Variants in KIAA1217 observed in about 807,000 individuals in gnomAD.
KIAA1217 encodes the protein sickle tail protein homolog.
Under a neutral mutation model 163.9 loss-of-function variants are expected in KIAA1217, and 88 were observed. That is an observed-to-expected ratio of 0.54 (90% CI 0.45 to 0.64). KIAA1217 has a LOEUF of 0.64. KIAA1217 is among the 30% of genes least tolerant of loss of function. The pLI is 0.00. For synonymous variants in KIAA1217, 903 were observed against 923.1 expected, an observed-to-expected ratio of 0.98 and a Z score of 0.39; for missense variants, 2,372 against 2,475.0, an observed-to-expected ratio of 0.96 and a Z score of 0.88.
intron 9 of KIAA1217, among the ~76,000 whole-genome samples, chr10:24,505,020 GC>G (rs1469955063): frequency 6.6e-6 from 1 of 152,108 alleles, no homozygotes; most frequent in Non-Finnish European, 1.5e-5. Flanking sequence ...AAATACCAGT[GC>G]TCAGGCACGA....
chr10:23,757,622 A>G lies in KIAA1217; in HGVS notation c.-321+62388A>G, dbSNP rs148893404. 3.3e-3 allele frequency among the ~76,000 whole-genome samples: 502 copies of G among 152,160 alleles called. 3 individuals are homozygous for G. The highest frequency in any genetic ancestry group is 0.011 in the African/African-American group (464 of 41,506). ...AACCTCTGCCTCCCGGGTTCCCATG[A>G]TTCTCTTGCCTCAGCCTCCTGAGTA... On this transcript the variant is annotated intron_variant, in intron 1 of 18. Coordinates refer to the KIAA1217 transcript ENST00000376462.
At chr10:24,208,936 A>AGGACGGACGGAC (rs548289537), upstream of KIAA1217, 1 of 331,914 alleles carries the variant, frequency 3.0e-6, no homozygotes, top group East Asian at 6.9e-5. Flanking sequence ...AGCGCGCCTG[A>AGGACGGACGGAC]GGACGGACGG....
At chr10:23,948,190 G>A (rs1027884507) in intron 1 of KIAA1217, among the ~76,000 whole-genome samples, 2 of 152,184 alleles carry the variant, frequency 1.3e-5, no homozygotes, top group African/African-American at 4.8e-5. Flanking sequence ...CTCACCAGCT[G>A]TGTGACCATA....
At chr10:24,028,242 T>C (rs11013858) in intron 2 of KIAA1217, among the ~76,000 whole-genome samples, 33,445 of 151,872 alleles carry the variant, frequency 0.22, 4,462 homozygotes, top group Middle Eastern at 0.4. Flanking sequence ...GGATGATTGA[T>C]CAATTGATTA....
In KIAA1217 at chr10:23,945,831, T is replaced by G. The variant is rs1844007153; in HGVS notation, c.-320-61394T>G. On this transcript the variant is annotated intron_variant, in intron 1 of 18. Transcript: ENST00000376462. ...ATATGACAGGGGTGTGACAGGGCTA[T>G]TCACAGGAAAGAAGTAGAGAGTCTA... Among the ~76,000 whole-genome samples the G allele has an allele frequency of 2.0e-5, 3 of 152,164 alleles. No individual in the cohort carries two copies. In the South Asian group the frequency reaches 6.2e-4, roughly 32 times the overall value.
intron 2 of KIAA1217, among the ~76,000 whole-genome samples, chr10:24,070,086 C>T (rs185972288): frequency 1.3e-5 from 2 of 152,224 alleles, no homozygotes; most frequent in Non-Finnish European, 2.9e-5. Context: ...GCGATCCTTC[C>T]ACCTTGGCCT....
intron 5 of KIAA1217, among the ~76,000 whole-genome samples, chr10:24,439,273 TAC>T (rs143903256): frequency 2.0e-5 from 3 of 150,820 alleles, no homozygotes; most frequent in Non-Finnish European, 3.0e-5. Context: ...GTACACCCCC[TAC>T]ACACACACAC....
At chr10:24,096,817 T>C (rs1188525467) in intron 2 of KIAA1217, among the ~76,000 whole-genome samples, 7 of 152,232 alleles carry the variant, frequency 4.6e-5, no homozygotes, top group Non-Finnish European at 1.0e-4. Flanking sequence ...TTTCTCTTTC[T>C]GAGCATTTAT....
In KIAA1217 at chr10:24,047,701, C is replaced by T. The variant is rs544136790; in HGVS notation, c.-171+40327C>T. Among the ~76,000 whole-genome samples, 9 of 152,260 alleles carry T rather than the reference C, an allele frequency of 5.9e-5. No homozygotes were observed. In the South Asian group the frequency reaches 1.9e-3, roughly 32 times the overall value. ...TACATGCATCTCCTTTTCTATAGCA[C>T]ATGTAGATTGAGATCACCTTTAGAT... On this transcript the variant is annotated intron_variant, in intron 2 of 18. Transcript: ENST00000376462.
intron 1 of KIAA1217, among the ~76,000 whole-genome samples, chr10:23,887,235 T>G (rs145731896): frequency 1.4e-4 from 21 of 152,052 alleles, no homozygotes; most frequent in Middle Eastern, 6.8e-3. Context: ...GAGTCTTTTT[T>G]TAAAATTTAA....
chr10:23,943,960 A>G (rs1843898157), intron 1 of KIAA1217, among the ~76,000 whole-genome samples: 1 of 152,224 alleles, frequency 6.6e-6, no homozygotes, highest in South Asian at 2.1e-4. Flanking sequence ...AATAAAAGCT[A>G]AAACTAAAAA....
intron 2 of KIAA1217, among the ~76,000 whole-genome samples, chr10:24,303,107 G>A (rs2041572922): frequency 6.6e-6 from 1 of 152,118 alleles, no homozygotes; most frequent in Admixed American, 6.5e-5. Flanking sequence ...GCAAACTCCT[G>A]GGCTCCAGCG....
chr10:23,867,301 C>T (rs1271521903), intron 1 of KIAA1217, among the ~76,000 whole-genome samples: 1 of 151,904 alleles, frequency 6.6e-6, no homozygotes, highest in Non-Finnish European at 1.5e-5. Flanking sequence ...AATAGTGCCG[C>T]AATAAACATA....
chr10:24,438,416 G>A lies in KIAA1217; in HGVS notation c.783G>A (p.Val261=), dbSNP rs1221085312. Residue 261 remains valine, a synonymous_variant, in exon 5 of 21, where the codon GTG becomes GTA. Transcript: ENST00000376454. ...RNIQDRSLLK[V]YNKDPAHAFN... ...TTCAAGACAGATCACTCCTCAAAGTGTACAACAAGGATCCTGCACATGCGT... is the reference window on the plus strand; with the variant it reads ...TTCAAGACAGATCACTCCTCAAAGTATACAACAAGGATCCTGCACATGCGT... 6.2e-6 allele frequency: 10 copies of A among 1,613,222 alleles called. No individual in the cohort carries two copies. Among genetic ancestry groups the A allele is most frequent in the Non-Finnish European group, 8.5e-6 (10 of 1,179,316 alleles).
chr10:24,059,329 C>G (rs896487114), intron 2 of KIAA1217, among the ~76,000 whole-genome samples: 1 of 151,888 alleles, frequency 6.6e-6, no homozygotes, highest in East Asian at 1.9e-4. Flanking sequence ...AATATGGGCC[C>G]GCAATTTTCT....
At chr10:23,850,867 A>C in intron 1 of KIAA1217, among the ~76,000 whole-genome samples, 1 of 152,056 alleles carries the variant, frequency 6.6e-6, no homozygotes, top group East Asian at 1.9e-4. Context: ...AAAAGGAAGA[A>C]GAGAGTGAAG....
chr10:24,045,067 A>C (rs1291991127), intron 2 of KIAA1217, among the ~76,000 whole-genome samples: 1 of 152,166 alleles, frequency 6.6e-6, no homozygotes, highest in African/African-American at 2.4e-5. Context: ...ATGTCCAAAA[A>C]ACATCTTTAT....
chr10:24,223,158 G>C lies in KIAA1217; in HGVS notation c.354+3249G>C, dbSNP rs148144283. 3.4e-4 allele frequency among the ~76,000 whole-genome samples: 51 copies of C among 152,190 alleles called. 1 individual carries two copies. The highest frequency in any genetic ancestry group is 1.1e-3 in the African/African-American group (46 of 41,524). On this transcript the variant is annotated intron_variant, in intron 2 of 20. Transcript: ENST00000376454. ...GTGATGACCTCCTATCTCACCCTGT[G>C]ACTTAGAATGTCTTAACCGTCTGGG...
chr10:23,912,229 T>C lies in KIAA1217; in HGVS notation c.-320-94996T>C, dbSNP rs553032086. Reference sequence around the variant, plus strand: ...AATTCTTAGCCTTCTAGAGCTGTTGTCTACTCAGATTTAAATGAGCATTTA... The same window carrying C: ...AATTCTTAGCCTTCTAGAGCTGTTGCCTACTCAGATTTAAATGAGCATTTA... On this transcript the variant is annotated intron_variant, in intron 1 of 18. Transcript: ENST00000376462. Among the ~76,000 whole-genome samples, 5 of 152,310 alleles carry C rather than the reference T, an allele frequency of 3.3e-5. No individual in the cohort carries two copies. The South Asian group carries it at 8.3e-4, about 25-fold the overall frequency.
Sources: gnomAD v4.1 joint callset for allele counts (sites outside exome capture counted in the v4.1 genomes callset) on GRCh38, gnomAD v4.1.1 for gene constraint, MANE v1.5 for transcripts, NCBI Gene and HGNC (gene_info 2026-07-23, HGNC 2026-07-21) for gene names.